Variants in WDR70 observed in about 807,000 individuals in gnomAD.
WDR70 encodes WD repeat-containing protein 70.
In WDR70, 53 loss-of-function variants were observed where a neutral mutation model predicts 88.6. That is an observed-to-expected ratio of 0.60 (90% CI 0.48 to 0.75). The LOEUF (loss-of-function observed/expected upper bound fraction) is 0.75, where lower values mean the gene tolerates loss of function less well. Ranked by LOEUF, WDR70 falls within the 30% of genes least tolerant of loss-of-function variation. WDR70 has a pLI of 0.00. For synonymous variants in WDR70, 280 were observed against 270.0 expected (o/e 1.04, Z -0.36); for missense variants, 610 against 823.2 (o/e 0.74, Z 3.17).
intron 17 of WDR70, among the ~76,000 whole-genome samples, chr5:37,751,143 G>GTA (rs752335751): frequency 6.6e-6 from 1 of 152,132 alleles, no homozygotes; most frequent in Non-Finnish European, 1.5e-5. Context: ...TCTTGAACAG[G>GTA]TTTATCCATA....
intron 9 of WDR70, among the ~76,000 whole-genome samples, chr5:37,561,422 A>T (rs1742500376): frequency 6.6e-6 from 1 of 152,244 alleles, no homozygotes; most frequent in African/African-American, 2.4e-5. Flanking sequence ...GAGATGGTAT[A>T]CACTATGCTA....
chr5:37,491,911 T>G (rs528689941), intron 8 of WDR70, among the ~76,000 whole-genome samples: 1 of 152,340 alleles, frequency 6.6e-6, no homozygotes, highest in South Asian at 2.1e-4. Context: ...GAAACTTTAA[T>G]AGAAACTTCT....
At chr5:37,569,547 G>A (rs189456786) in intron 9 of WDR70, among the ~76,000 whole-genome samples, 109 of 152,280 alleles carry the variant, frequency 7.2e-4, no homozygotes, top group African/African-American at 1.8e-3. Flanking sequence ...ACCACAGGAC[G>A]TCCCTTGTCA....
chr5:37,643,478 G>A (rs1438887201), intron 10 of WDR70, among the ~76,000 whole-genome samples: 1 of 150,884 alleles, frequency 6.6e-6, no homozygotes, highest in South Asian at 2.1e-4. Context: ...GTTTTTTGTG[G>A]TTCCATATAA....
chr5:37,574,664 T>C (rs146173248), intron 9 of WDR70, among the ~76,000 whole-genome samples: 1 of 152,322 alleles, frequency 6.6e-6, no homozygotes, highest in Non-Finnish European at 1.5e-5. Flanking sequence ...AACTACTCTT[T>C]GGATGTCTAA....
chr5:37,565,298 G>A lies in WDR70; in HGVS notation c.918-39766G>A, dbSNP rs575930067. ...AATTCAGAGATATTCTTCTGGATAT[G>A]TAAAATTCTAAAGTCTAAATAAACG... On this transcript the variant is annotated intron_variant, in intron 9 of 17. Coordinates refer to ENST00000265107, the MANE Select transcript of WDR70 (RefSeq NM_018034.4). Among the ~76,000 whole-genome samples, 7 of 152,226 alleles carry A rather than the reference G, an allele frequency of 4.6e-5. No individual in the cohort carries two copies. The East Asian group carries it at 9.6e-4, about 21-fold the overall frequency.
intron 7 of WDR70, among the ~76,000 whole-genome samples, chr5:37,444,912 G>C (rs1738409780): frequency 6.6e-6 from 1 of 152,078 alleles, no homozygotes; most frequent in Non-Finnish European, 1.5e-5. Context: ...TTTCACAATA[G>C]GGTTTGTACT....
intron 9 of WDR70, among the ~76,000 whole-genome samples, chr5:37,528,468 G>A (rs540335582): frequency 1.7e-4 from 26 of 152,184 alleles, no homozygotes; most frequent in African/African-American, 2.4e-5. Context: ...ATCACACACC[G>A]GGGCCTGTTG....
intron 7 of WDR70, among the ~76,000 whole-genome samples, chr5:37,472,154 T>A (rs1336212997): frequency 1.3e-5 from 2 of 151,990 alleles, no homozygotes; most frequent in Admixed American, 6.5e-5. Flanking sequence ...TAAAGTACAA[T>A]TTGTATGCAA....
chr5:37,713,214 C>T (rs72743180), intron 13 of WDR70, among the ~76,000 whole-genome samples: 4,803 of 152,240 alleles, frequency 0.032, 100 homozygotes, highest in Middle Eastern at 0.11. Context: ...GGGCCAATCA[C>T]GTGCTGCCTT....
At chr5:37,597,389 T>C (rs894559974) in intron 9 of WDR70, among the ~76,000 whole-genome samples, 2 of 152,172 alleles carry the variant, frequency 1.3e-5, no homozygotes, top group Non-Finnish European at 2.9e-5. Flanking sequence ...GCCATTCTTA[T>C]AGGTTTGTAG....
intron 10 of WDR70, among the ~76,000 whole-genome samples, chr5:37,695,455 A>G (rs1746953145): frequency 6.6e-6 from 1 of 152,126 alleles, no homozygotes; most frequent in African/African-American, 2.4e-5. Context: ...CCTATAGGTA[A>G]GAAGTCTGGC....
chr5:37,471,912 G>A (rs1414210601), intron 7 of WDR70, among the ~76,000 whole-genome samples: 1 of 151,822 alleles, frequency 6.6e-6, no homozygotes, highest in East Asian at 1.9e-4. Flanking sequence ...ATATTGCATG[G>A]TCAAGGACCT....
intron 9 of WDR70, among the ~76,000 whole-genome samples, chr5:37,589,064 A>G (rs927804944): frequency 4.6e-5 from 7 of 151,690 alleles, no homozygotes; most frequent in Non-Finnish European, 8.8e-5. Context: ...CGCCCGGCCT[A>G]TTATTATTTT....
rs1391157854 is a variant in WDR70, at chr5:37,702,973, T to C, written c.1302T>C (p.Asp434=). The change falls in exon 13 of 18, where the codon GAT becomes GAC. Residue 434 remains aspartate (D), a synonymous_variant. Coordinates refer to ENST00000265107, the MANE Select transcript of WDR70 (RefSeq NM_018034.4). ...GGACTGACTGCTGTTTCAGTCCAGATGATAAGCTCATAGTCACTGGTACAT... is the reference window on the plus strand; with the variant it reads ...GGACTGACTGCTGTTTCAGTCCAGACGATAAGCTCATAGTCACTGGTACAT... ...FPMTDCCFSP[D]DKLIVTGTSI... The C allele has an allele frequency of 1.1e-5, 17 of 1,612,516 alleles. No homozygotes were observed. The highest frequency in any genetic ancestry group is 4.0e-5 in the African/African-American group (3 of 74,914).
chr5:37,563,532 T>C (rs1246535945), intron 9 of WDR70, among the ~76,000 whole-genome samples: 29 of 38,240 alleles, frequency 7.6e-4, no homozygotes, highest in East Asian at 1.8e-3. Flanking sequence ...ACCTCCCGGA[T>C]GGGGCGGCTG....
chr5:37,483,659 A>C (rs1279982852), intron 8 of WDR70, among the ~76,000 whole-genome samples: 1 of 151,848 alleles, frequency 6.6e-6, no homozygotes, highest in Non-Finnish European at 1.5e-5. Flanking sequence ...GGGGCTCCTC[A>C]CTTCCCAGAA....
intron 10 of WDR70, among the ~76,000 whole-genome samples, chr5:37,670,384 G>T (rs1309516148): frequency 5.3e-5 from 8 of 152,138 alleles, no homozygotes; most frequent in African/African-American, 1.9e-4. Context: ...TTCACGATGG[G>T]AGGTGTGAGA....
In WDR70 at chr5:37,506,112, T is replaced by A. The variant is rs892380125; in HGVS notation, c.841-10402T>A. ...ACAGTAAAGATTTGCATGTGCAAGA[T>A]TGCAGCGGCTTAAATTGGCCATTTT... On this transcript the variant is annotated intron_variant, in intron 8 of 17. Coordinates refer to ENST00000265107, the MANE Select transcript of WDR70 (RefSeq NM_018034.4). The A allele has an allele frequency of 7.8e-6, 9 of 1,153,348 alleles. No homozygotes were observed. In the African/African-American group the frequency reaches 1.1e-4, roughly 14 times the overall value. 71.4% of individuals were successfully genotyped at this position (1,153,348 alleles called of 1,614,324 possible).
Sources: allele counts gnomAD v4.1 joint callset (sites outside exome capture counted in the v4.1 genomes callset), GRCh38; gene constraint gnomAD v4.1.1; transcripts MANE v1.5; gene names NCBI Gene and HGNC (gene_info 2026-07-23, HGNC 2026-07-21).